The following SLC25A24 variants were observed in gnomAD, a reference collection of about 807,000 sequenced individuals.
SLC25A24 encodes the protein mitochondrial adenyl nucleotide antiporter SLC25A24.
A neutral mutation model predicts 60.7 loss-of-function variants in SLC25A24; 49 were observed. The observed-to-expected ratio is 0.81, with a 90% confidence interval of 0.64 to 1.02. The LOEUF (loss-of-function observed/expected upper bound fraction) is 1.02. SLC25A24 is among the 50% of genes least tolerant of loss of function. The probability of loss-of-function intolerance (pLI) is 0.00; values close to 1 mark genes in which losing one functional copy is unlikely to be tolerated. For synonymous variants in SLC25A24, 202 were observed against 200.6 expected, an observed-to-expected ratio of 1.01 and a Z score of -0.06; for missense variants, 564 against 586.3, an observed-to-expected ratio of 0.96 and a Z score of 0.39.
chr1:108,160,043 C>T (rs950427219), intron 4 of SLC25A24, among the ~76,000 whole-genome samples: 1 of 151,356 alleles, frequency 6.6e-6, no homozygotes, highest in Non-Finnish European at 1.5e-5. Context: ...TAGGGGCGGC[C>T]GGGCAGAGGC....
chr1:108,161,346 TA>T (rs1680078164), intron 3 of SLC25A24, 53 bp from the exon 4 acceptor site: 2 of 920,518 alleles, frequency 2.2e-6, no homozygotes, highest in Non-Finnish European at 3.5e-6. Flanking sequence ...TAAATAAAAC[TA>T]ACATTATTGG....
At chr1:108,170,043 T>G (rs1647396583) in intron 3 of SLC25A24, among the ~76,000 whole-genome samples, 1 of 152,168 alleles carries the variant, frequency 6.6e-6, no homozygotes, top group Admixed American at 6.5e-5. Context: ...TCCTCCTACC[T>G]TCTTCGAGAT....
At chr1:108,187,564 A>G (rs1329614680) in intron 1 of SLC25A24, among the ~76,000 whole-genome samples, 1 of 152,160 alleles carries the variant, frequency 6.6e-6, no homozygotes, top group East Asian at 1.9e-4. Flanking sequence ...CTACAAAAAC[A>G]ACTTATTAAA....
intron 7 of SLC25A24, among the ~76,000 whole-genome samples, chr1:108,147,510 C>T (rs1423082986): frequency 2.6e-5 from 4 of 152,016 alleles, no homozygotes; most frequent in Non-Finnish European, 4.4e-5. Flanking sequence ...CTTAGGGTGT[C>T]GATTTTAGAT....
At chr1:108,165,083 T>C (rs1680206832) in intron 3 of SLC25A24, among the ~76,000 whole-genome samples, 1 of 145,598 alleles carries the variant, frequency 6.9e-6, no homozygotes, top group Non-Finnish European at 1.5e-5. Flanking sequence ...GTTGTTCAGT[T>C]TCCATGTAGT....
chr1:108,163,496 G>A (rs976091544), intron 3 of SLC25A24, among the ~76,000 whole-genome samples: 12 of 151,330 alleles, frequency 7.9e-5, no homozygotes, highest in Non-Finnish European at 1.3e-4. Flanking sequence ...AGTTCTCCTT[G>A]AAGAGGTCCT....
chr1:108,137,374 T>G (rs1168713600), intron 9 of SLC25A24, among the ~76,000 whole-genome samples: 1 of 152,112 alleles, frequency 6.6e-6, no homozygotes, highest in Admixed American at 6.5e-5. Flanking sequence ...GACCTGGGCC[T>G]TGGAAATGAC....
At chr1:108,179,221 C>A (rs1205621153) in intron 3 of SLC25A24, among the ~76,000 whole-genome samples, 2 of 151,108 alleles carry the variant, frequency 1.3e-5, no homozygotes, top group African/African-American at 4.9e-5. Flanking sequence ...ATGACTATTA[C>A]CAAAGAGACA....
chr1:108,165,676 T>C (rs1069907), intron 3 of SLC25A24, among the ~76,000 whole-genome samples: 107,260 of 151,890 alleles, frequency 0.71, 38,310 homozygotes, highest in African/African-American at 0.81. Flanking sequence ...TTATTTTGAG[T>C]CTATGTGTGT....
intron 1 of SLC25A24, among the ~76,000 whole-genome samples, chr1:108,187,661 A>AT (rs1648179103): frequency 6.6e-6 from 1 of 152,046 alleles, no homozygotes; most frequent in African/African-American, 2.4e-5. Flanking sequence ...ATTTCCATGA[A>AT]GAAAAATCGA....
intron 3 of SLC25A24, among the ~76,000 whole-genome samples, chr1:108,163,466 T>G (rs1680148563): frequency 6.6e-6 from 1 of 150,454 alleles, no homozygotes; most frequent in Non-Finnish European, 1.5e-5. Context: ...CCTCTTTTAT[T>G]TCATTAAGCA....
At position 108,134,568 on chromosome 1, in the gene SLC25A24, T is replaced by C. The variant is rs1571272087; in HGVS notation, c.*2085A>G. On this transcript the variant is annotated 3_prime_UTR_variant, in exon 10 of 10. Coordinates refer to ENST00000565488, the MANE Select transcript of SLC25A24 (RefSeq NM_013386.5). ...AATGGGTAAATGTGGAATTTTGATA[T>C]CACAAAAAATATCACCTTGTGTCAA... The C allele has an allele frequency of 6.6e-6, 1 of 152,056 alleles. No homozygotes were observed. Among genetic ancestry groups the C allele is most frequent in the East Asian group, 1.9e-4 (1 of 5,176 alleles). The allele number at this position is 152,056 out of a possible 1,614,324, so 9.4% of individuals were successfully genotyped here.
rs764530479 is a variant in SLC25A24 at position 108,200,111 on chromosome 1, G to T, written c.28C>A (p.Leu10Met). 1 of 1,565,838 alleles carries T rather than the reference G, an allele frequency of 6.4e-7. No individual in the cohort carries two copies. Among genetic ancestry groups the T allele is most frequent in the South Asian group, 1.2e-5 (1 of 85,380 alleles). MLRWLRDFV[L>M]PTAACQDAEQ... is the part of the protein sequence containing the mutation. ...GCGTCCTGGCAGGCCGCGGTGGGCAGCACGAAGTCCCGCAGCCAGCGCAAC... is the reference window on the plus strand; with the variant it reads ...GCGTCCTGGCAGGCCGCGGTGGGCATCACGAAGTCCCGCAGCCAGCGCAAC... The change falls in exon 1 of 10, where the codon CTG (leucine) becomes ATG (methionine). Residue 10 changes from leucine to methionine, a missense_variant. Transcript: ENST00000565488.
At chr1:108,154,190 T>C (rs1571285353) in intron 6 of SLC25A24, among the ~76,000 whole-genome samples, 6 of 148,106 alleles carry the variant, frequency 4.1e-5, no homozygotes, top group Admixed American at 4.1e-4. Flanking sequence ...CAGAATAATC[T>C]AAAATCTACA....
intron 3 of SLC25A24, among the ~76,000 whole-genome samples, chr1:108,172,140 C>A (rs577090991): frequency 1.3e-5 from 2 of 152,236 alleles, no homozygotes; most frequent in Admixed American, 1.3e-4. Flanking sequence ...AAAATGAGAG[C>A]AGAAGATAAT....
intron 1 of SLC25A24, among the ~76,000 whole-genome samples, chr1:108,186,650 C>T (rs1648134476): frequency 6.6e-6 from 1 of 152,120 alleles, no homozygotes; most frequent in African/African-American, 2.4e-5. Flanking sequence ...ATATAAAAAG[C>T]TGTCATAGCA....
At chr1:108,140,380 G>A (rs1022600549) in intron 8 of SLC25A24, among the ~76,000 whole-genome samples, 2 of 151,992 alleles carry the variant, frequency 1.3e-5, no homozygotes, top group African/African-American at 4.8e-5. Flanking sequence ...CACTAGACCG[G>A]CCCTACAAGA....
chr1:108,189,814 C>CAA lies in SLC25A24; in HGVS notation c.184-3862_184-3861dup, dbSNP rs34977169. ...TGGGTGACAGAGTGAGACTCCATCT[C>CAA]AAAAAAAAAAAAAAGAGCTAAAGCT... On this transcript the variant is annotated intron_variant, in intron 1 of 9. Transcript: ENST00000565488. 3.3e-3 allele frequency among the ~76,000 whole-genome samples: 347 copies of CAA among 106,448 alleles called. 4 individuals are homozygous for CAA. Among genetic ancestry groups the CAA allele is most frequent in the African/African-American group, 8.5e-3 (241 of 28,422 alleles). The allele number at this position is 106,448 out of a possible 152,430, so 69.8% of individuals were successfully genotyped here.
Position 108,139,155 on chromosome 1 carries a change from T to C in SLC25A24, c.1152A>G (p.Gly384=). Residue 384 remains glycine, a synonymous_variant, in exon 9 of 10, where the codon GGA becomes GGG. Coordinates refer to ENST00000565488, the MANE Select transcript of SLC25A24 (RefSeq NM_013386.5). ...CACCGCATCCCAGCAACACCATGAC[T>C]CCAGGGTTTACAGAATCTTTTGCAA... is the stretch of plus-strand genomic sequence containing the variant. ...DNFAKDSVNP[G]VMVLLGCGAL... is the part of the protein sequence containing the mutation. 1 of 1,610,474 alleles carries C rather than the reference T, an allele frequency of 6.2e-7. No homozygotes were observed. The highest frequency in any genetic ancestry group is 1.3e-5 in the African/African-American group (1 of 74,906).
Sources: allele counts gnomAD v4.1 joint callset (sites outside exome capture counted in the v4.1 genomes callset), GRCh38; gene constraint gnomAD v4.1.1; transcripts MANE v1.5; gene names NCBI Gene and HGNC (gene_info 2026-07-23, HGNC 2026-07-21).